KCNQ1: variants seen among roughly 807,000 people sequenced by gnomAD.
The protein encoded by KCNQ1 is potassium voltage-gated channel subfamily KQT member 1.
KCNQ1 carries 49 observed loss-of-function variants against 72.4 expected under a neutral mutation model. The observed-to-expected ratio is 0.68, with a 90% confidence interval of 0.54 to 0.86. The LOEUF is 0.86. Ranked by LOEUF, KCNQ1 falls within the 40% of genes least tolerant of loss-of-function variation. The pLI, the probability that KCNQ1 is intolerant of heterozygous loss-of-function variation, is 0.00. For missense variants in KCNQ1, 790 were observed against 945.1 expected (o/e 0.84, Z 2.15); for synonymous variants, 450 against 412.6 (o/e 1.09, Z -1.10).
intron 15 of KCNQ1, among the ~76,000 whole-genome samples, chr11:2,798,889 G>A (rs1014071902): frequency 6.6e-6 from 1 of 152,196 alleles, no homozygotes; most frequent in Non-Finnish European, 1.5e-5. Flanking sequence ...TTGGGACAGG[G>A]GAAGGGGCTG....
chr11:2,750,599 A>G lies in KCNQ1; in HGVS notation c.1515-18245A>G, dbSNP rs1279508313. Among the ~76,000 whole-genome samples the G allele has an allele frequency of 3.3e-5, 5 of 152,194 alleles. No individual in the cohort carries two copies. Among genetic ancestry groups the G allele is most frequent in the African/African-American group, 4.8e-5 (2 of 41,454 alleles). ...CAAGGCTTTGGAAGGCAGTGCTCAC[A>G]AATCACTTTTCTAGACGAAGACCAG... On this transcript the variant is annotated intron_variant, in intron 11 of 15. Coordinates refer to ENST00000155840, the MANE Select transcript of KCNQ1 (RefSeq NM_000218.3). This position sits in a 1 kb window ranked among gnomAD's most constrained non-coding sequence, Gnocchi z 6.3.
At chr11:2,628,814 A>G (rs1318817655) in intron 10 of KCNQ1, 3 of 398,296 alleles carry the variant, frequency 7.5e-6, no homozygotes, top group Non-Finnish European at 1.3e-5. Flanking sequence ...TAAGGTTCCA[A>G]TTTAATTTTT....
chr11:2,733,849 C>T lies in KCNQ1; in HGVS notation c.1515-34995C>T, dbSNP rs1287659727. Among the ~76,000 whole-genome samples, 457 of 35,190 alleles carry T rather than the reference C, an allele frequency of 0.013. 31 individuals are homozygous for T. The Middle Eastern group carries it at 0.13, about 10-fold the overall frequency. The allele number at this position is 35,190 out of a possible 152,430, so 23.1% of individuals were successfully genotyped here. ...TCTCTCTCTCTCTCTCTCTCTCTCT[C>T]TCTCTCTCCCCCCCCACTTCAGGGC... On this transcript the variant is annotated intron_variant, in intron 11 of 15. Coordinates refer to ENST00000155840, the MANE Select transcript of KCNQ1 (RefSeq NM_000218.3).
chr11:2,763,198 G>A (rs1398137239), intron 11 of KCNQ1, among the ~76,000 whole-genome samples: 1 of 152,114 alleles, frequency 6.6e-6, no homozygotes, highest in Non-Finnish European at 1.5e-5. Context: ...CCCAAGTCAA[G>A]TTAGGGCTTC....
intron 11 of KCNQ1, chr11:2,667,491 T>C: frequency 2.5e-6 from 1 of 397,956 alleles, no homozygotes; most frequent in Non-Finnish European, 4.4e-6. Context: ...AGAGAGAACA[T>C]TCACGCCACA....
At chr11:2,685,979 G>T (rs1386894155) in intron 11 of KCNQ1, 3 of 398,598 alleles carry the variant, frequency 7.5e-6, no homozygotes, top group Non-Finnish European at 1.3e-5. Flanking sequence ...TGTACACTCT[G>T]GGCCTCAGAC....
At chr11:2,699,298 T>C (rs1156593763) in intron 11 of KCNQ1, 1 of 398,876 alleles carries the variant, frequency 2.5e-6, no homozygotes, top group African/African-American at 2.1e-5. Flanking sequence ...ACGCCTGTGA[T>C]CTGGGACGGC....
At position 2,654,913 on chromosome 11, in the gene KCNQ1, A is replaced by T. The variant is rs1849817611; in HGVS notation, c.1394-7048A>T. The stretch of plus-strand genomic sequence containing the variant: ...GATAAGATGTGCAAGGTCGTGGGCC[A>T]GAGAGCAAGGCACAGATACAGGAGA... On this transcript the variant is annotated intron_variant, in intron 10 of 15. Coordinates refer to ENST00000155840, the MANE Select transcript of KCNQ1 (RefSeq NM_000218.3). This position sits in a 1 kb window ranked among gnomAD's most constrained non-coding sequence, Gnocchi z 6.4. The T allele has an allele frequency of 2.5e-6, 1 of 398,556 alleles. No individual in the cohort carries two copies. Among genetic ancestry groups the T allele is most frequent in the African/African-American group, 2.1e-5 (1 of 48,620 alleles). 24.7% of individuals were successfully genotyped at this position (398,556 alleles called of 1,614,324 possible).
intron 11 of KCNQ1, among the ~76,000 whole-genome samples, chr11:2,717,729 A>G (rs1851117066): frequency 6.6e-6 from 1 of 152,200 alleles, no homozygotes; most frequent in South Asian, 2.1e-4. Flanking sequence ...AGATGGCAGG[A>G]GGTGCCGCAG....
At chr11:2,637,838 A>G (rs897635622) in intron 10 of KCNQ1, 1 of 151,816 alleles carries the variant, frequency 6.6e-6, no homozygotes, top group African/African-American at 2.4e-5. Flanking sequence ...TAGATCTCTA[A>G]GGACTTGCTT....
At chr11:2,469,207 GTGTC>G (rs1251988295) in intron 1 of KCNQ1, among the ~76,000 whole-genome samples, 2 of 152,050 alleles carry the variant, frequency 1.3e-5, no homozygotes, top group Non-Finnish European at 2.9e-5. Flanking sequence ...CTTTGGTAAA[GTGTC>G]TGTCAAATTG....
chr11:2,642,747 G>A lies in KCNQ1; in HGVS notation c.1394-19214G>A, dbSNP rs1849599550. 5.0e-6 allele frequency: 2 copies of A among 397,608 alleles called. No individual in the cohort carries two copies. The highest frequency in any genetic ancestry group is 8.9e-6 in the Non-Finnish European group (2 of 225,628). 24.6% of individuals were successfully genotyped at this position (397,608 alleles called of 1,614,324 possible). ...TCTTGCTTTTCTGGTTCCTTCAGGT[G>A]TATCATTAGATTATTTAAGATCTTT... On this transcript the variant is annotated intron_variant, in intron 10 of 15. Coordinates refer to ENST00000155840, the MANE Select transcript of KCNQ1 (RefSeq NM_000218.3). The surrounding 1 kb of genome is among the most constrained non-coding windows in gnomAD (Gnocchi z 4.3).
chr11:2,461,971 C>T (rs1846285108), intron 1 of KCNQ1: 1 of 367,848 alleles, frequency 2.7e-6, no homozygotes. Flanking sequence ...CTGGAGAGGG[C>T]CTCTCGGTGA....
intron 15 of KCNQ1, among the ~76,000 whole-genome samples, chr11:2,823,879 G>T (rs1396008875): frequency 2.6e-5 from 4 of 152,204 alleles, no homozygotes; most frequent in Non-Finnish European, 4.4e-5. Flanking sequence ...CGAGGGTGGG[G>T]TGAGAGCTTA....
At chr11:2,556,253 C>T (rs1354193999) in intron 2 of KCNQ1, among the ~76,000 whole-genome samples, 1 of 152,222 alleles carries the variant, frequency 6.6e-6, no homozygotes, top group African/African-American at 2.4e-5. Flanking sequence ...ACCACCTCAT[C>T]TTACCTAATA....
At chr11:2,760,288 C>T (rs377582019) in intron 11 of KCNQ1, among the ~76,000 whole-genome samples, 3 of 151,588 alleles carry the variant, frequency 2.0e-5, no homozygotes, top group East Asian at 2.2e-4. Context: ...GGCGGGCAGG[C>T]GGGCGTGGAG....
Position 2,663,356 on chromosome 11 carries a change from G to A in KCNQ1, c.1514+1275G>A. ...GTGTGAGCAGGCTGGTAGCCAGATG[G>A]GCTGCCCAGGTACAGGTCAGCACCA... On this transcript the variant is annotated intron_variant, in intron 11 of 15. Coordinates refer to ENST00000155840, the MANE Select transcript of KCNQ1 (RefSeq NM_000218.3). The surrounding 1 kb of genome is among the most constrained non-coding windows in gnomAD (Gnocchi z 5.2). 7.5e-6 allele frequency: 3 copies of A among 398,784 alleles called. No individual in the cohort carries two copies. The highest frequency in any genetic ancestry group is 1.3e-5 in the Non-Finnish European group (3 of 226,196). The allele number at this position is 398,784 out of a possible 1,614,324, so 24.7% of individuals were successfully genotyped here. A position where few individuals can be genotyped will look rare whatever the true frequency, so the allele number is the denominator to read the frequency against.
rs1247493570 is a variant in KCNQ1, at chr11:2,704,423, A to G, written c.1514+42342A>G. 2.6e-5 allele frequency among the ~76,000 whole-genome samples: 4 copies of G among 152,174 alleles called. No individual in the cohort carries two copies. In the East Asian group the frequency reaches 5.8e-4, roughly 22 times the overall value. On this transcript the variant is annotated intron_variant, in intron 11 of 15. Coordinates refer to ENST00000155840, the MANE Select transcript of KCNQ1 (RefSeq NM_000218.3). This position sits in a 1 kb window ranked among gnomAD's most constrained non-coding sequence, Gnocchi z 4.3. ...TGCCCCAGGTCTCTGCTGTACCCAC[A>G]GGTGGCATGGACTCATGTCCCCACC...
rs1846307244 is a variant in KCNQ1 at position 2,463,451 on chromosome 11, G to GTGCA, written c.386+17968_386+17971dup. ...TGGTGGAATGTTCTGGTTGTCCTTG[G>GTGCA]TGCAGGTGGCGGGCGGGGCTGGGGG... is the stretch of plus-strand genomic sequence containing the variant. On this transcript the variant is annotated intron_variant, in intron 1 of 15. Coordinates refer to ENST00000155840, the MANE Select transcript of KCNQ1 (RefSeq NM_000218.3). This position sits in a 1 kb window ranked among gnomAD's most constrained non-coding sequence, Gnocchi z 7.0. Among the ~76,000 whole-genome samples, 1 of 152,190 alleles carries GTGCA rather than the reference G, an allele frequency of 6.6e-6. No homozygotes were observed. Among genetic ancestry groups the GTGCA allele is most frequent in the African/African-American group, 2.4e-5 (1 of 41,448 alleles).
Sources: gnomAD v4.1 joint callset for allele counts (sites outside exome capture counted in the v4.1 genomes callset) on GRCh38, gnomAD v4.1.1 for gene constraint, Gnocchi (gnomAD v3.1) non-coding constraint, MANE v1.5 for transcripts, NCBI Gene and HGNC (gene_info 2026-07-23, HGNC 2026-07-21) for gene names.